HEMK2: variants seen among roughly 807,000 people sequenced by gnomAD.
HEMK2 encodes the protein HemK methyltransferase 2, ETF1 glutamine and histone H4 lysine, also known as methyltransferase HEMK2.
the HEMK2 span, among the ~76,000 whole-genome samples, chr21:28,607,826 AAG>A: frequency 6.6e-6 from 1 of 152,198 alleles, no homozygotes; most frequent in Admixed American, 6.5e-5. Context: ...TGGATACGAA[AAG>A]AGAGGAAGAA....
the HEMK2 span, chr21:28,872,443 G>A: frequency 6.6e-6 from 1 of 152,218 alleles, no homozygotes; most frequent in East Asian, 1.9e-4. Flanking sequence ...CAGTGGGCAT[G>A]TTCATTCAGG....
the HEMK2 span, among the ~76,000 whole-genome samples, chr21:28,599,925 G>A: frequency 2.2e-4 from 34 of 152,200 alleles, no homozygotes; most frequent in Admixed American, 7.2e-4. Flanking sequence ...CTTTGACTCC[G>A]TGTCTCACAT....
chr21:28,856,664 G>A, the HEMK2 span, among the ~76,000 whole-genome samples: 1 of 152,198 alleles, frequency 6.6e-6, no homozygotes, highest in Non-Finnish European at 1.5e-5. Flanking sequence ...AGCAGGGTCA[G>A]GCGACAGTCC....
At chr21:28,801,945 T>A in the HEMK2 span, among the ~76,000 whole-genome samples, 1 of 152,190 alleles carries the variant, frequency 6.6e-6, no homozygotes, top group African/African-American at 2.4e-5. Context: ...ATAAATTAAC[T>A]TATCTTTGGC....
chr21:28,797,065 G>A, the HEMK2 span, among the ~76,000 whole-genome samples: 85 of 152,108 alleles, frequency 5.6e-4, 1 homozygote, highest in South Asian at 2.1e-4. Context: ...ACAGAAAATG[G>A]GTCTTTCTCC....
At chr21:28,778,051 T>C in the HEMK2 span, among the ~76,000 whole-genome samples, 1 of 152,224 alleles carries the variant, frequency 6.6e-6, no homozygotes, top group Non-Finnish European at 1.5e-5. Context: ...ATATTTATGG[T>C]GGACAACATG....
the HEMK2 span, among the ~76,000 whole-genome samples, chr21:28,623,629 A>G: frequency 6.6e-6 from 1 of 152,240 alleles, no homozygotes; most frequent in East Asian, 1.9e-4. Context: ...TATAGCACAT[A>G]TACACCATGG....
the HEMK2 span, among the ~76,000 whole-genome samples, chr21:28,704,574 A>C: frequency 6.6e-6 from 1 of 152,002 alleles, no homozygotes; most frequent in Non-Finnish European, 1.5e-5. Flanking sequence ...AAAAAAAAAA[A>C]AAAACTTATT....
At chr21:28,772,453 T>C in the HEMK2 span, among the ~76,000 whole-genome samples, 2 of 152,196 alleles carry the variant, frequency 1.3e-5, no homozygotes, top group African/African-American at 4.8e-5. Flanking sequence ...GATTTATTAA[T>C]GGTCACATGC....
chr21:28,828,813 CT>C, the HEMK2 span, among the ~76,000 whole-genome samples: 3 of 152,166 alleles, frequency 2.0e-5, no homozygotes, highest in Non-Finnish European at 4.4e-5. Context: ...ACCGACTCAG[CT>C]GCAACAACCT....
At chr21:28,704,472 G>T in the HEMK2 span, among the ~76,000 whole-genome samples, 3 of 151,078 alleles carry the variant, frequency 2.0e-5, no homozygotes, top group Non-Finnish European at 4.4e-5. Flanking sequence ...AGTGATTAGG[G>T]TGTTAGCTCT....
the HEMK2 span, among the ~76,000 whole-genome samples, chr21:28,851,042 G>A: frequency 6.6e-6 from 1 of 152,086 alleles, no homozygotes; most frequent in Non-Finnish European, 1.5e-5. Context: ...GGCTAGATGG[G>A]TCAGAAAACA....
chr21:28,575,689 G>A, the HEMK2 span, among the ~76,000 whole-genome samples: 1 of 152,164 alleles, frequency 6.6e-6, no homozygotes, highest in Non-Finnish European at 1.5e-5. Context: ...TTTGACAAAT[G>A]TATATCCCCA....
At chr21:28,861,708 A>G in the HEMK2 span, among the ~76,000 whole-genome samples, 1 of 152,202 alleles carries the variant, frequency 6.6e-6, no homozygotes, top group Non-Finnish European at 1.5e-5. Flanking sequence ...CAACTAGGTG[A>G]CAATACTTTG....
At chr21:28,691,926 G>A in the HEMK2 span, among the ~76,000 whole-genome samples, 1 of 152,098 alleles carries the variant, frequency 6.6e-6, no homozygotes, top group African/African-American at 2.4e-5. Flanking sequence ...CCAAAAAACT[G>A]TTTATTGGCT....
At chr21:28,698,901 C>A in the HEMK2 span, among the ~76,000 whole-genome samples, 1 of 152,190 alleles carries the variant, frequency 6.6e-6, no homozygotes, top group South Asian at 2.1e-4. Context: ...CCTACCCCGA[C>A]CAAACCCCAC....
the HEMK2 span, among the ~76,000 whole-genome samples, chr21:28,630,877 T>G: frequency 2.0e-5 from 3 of 151,720 alleles, no homozygotes; most frequent in Non-Finnish European, 4.4e-5. Flanking sequence ...CATGTATACA[T>G]ATGTAACAAA....
chr21:28,788,703 TC>T, the HEMK2 span, among the ~76,000 whole-genome samples: 5 of 126,992 alleles, frequency 3.9e-5, no homozygotes, highest in Admixed American at 8.3e-5. Context: ...CTTTAGGTAC[TC>T]CAAAAAAAAA....
At chr21:28,577,295 T>A in the HEMK2 span, 7 of 152,170 alleles carry the variant, frequency 4.6e-5, no homozygotes. Flanking sequence ...ACTTCTTCTT[T>A]CCTCAGCATC....
Sources: allele counts gnomAD v4.1 joint callset (sites outside exome capture counted in the v4.1 genomes callset), GRCh38; gene constraint gnomAD v4.1.1; transcripts MANE v1.5; gene names NCBI Gene and HGNC (gene_info 2026-07-23, HGNC 2026-07-21).